The following NIPAL2 variants were observed in gnomAD, a reference collection of about 807,000 sequenced individuals.
NIPAL2 encodes NIPA like domain containing 2, also known as NIPA-like protein 2.
NIPAL2 carries 43 observed loss-of-function variants against 48.9 expected under a neutral mutation model. The ratio of observed to expected loss-of-function variants is 0.88; its 90% CI spans 0.69 to 1.13. The LOEUF is 1.13. Among genes scored for constraint, NIPAL2 ranks in the 50% most tolerant of loss-of-function variants. NIPAL2 has a pLI of 0.00. For missense variants in NIPAL2, 446 were observed against 461.4 expected, an observed-to-expected ratio of 0.97 and a Z score of 0.31; for synonymous variants, 167 against 174.6, an observed-to-expected ratio of 0.96 and a Z score of 0.34.
intron 8 of NIPAL2, among the ~76,000 whole-genome samples, chr8:98,202,409 A>G (rs1193353262): frequency 6.6e-6 from 1 of 152,184 alleles, no homozygotes; most frequent in East Asian, 1.9e-4. Flanking sequence ...CCTCCAAATC[A>G]TATGTTGAAA....
intron 3 of NIPAL2, among the ~76,000 whole-genome samples, chr8:98,239,477 A>G (rs1812878537): frequency 6.6e-6 from 1 of 152,228 alleles, no homozygotes; most frequent in African/African-American, 2.4e-5. Context: ...AAATAATTTC[A>G]TTGCTAAAAG....
At chr8:98,286,558 C>CA (rs1161033918) in intron 1 of NIPAL2, among the ~76,000 whole-genome samples, 1 of 152,104 alleles carries the variant, frequency 6.6e-6, no homozygotes, top group East Asian at 1.9e-4. Context: ...CCTGTAATCC[C>CA]AGCACTTTGG....
rs185153836 is a variant in NIPAL2 at position 98,210,267 on chromosome 8, G to A, written c.655+2138C>T. ...AAAGCAATCAATCTCTCTGAATACA[G>A]CATTAGTCATGAACTCTAGGTTTAA... On this transcript the variant is annotated intron_variant, in intron 6 of 10. Coordinates refer to ENST00000430223, the MANE Select transcript of NIPAL2 (RefSeq NM_001321635.2). 2.0e-3 allele frequency among the ~76,000 whole-genome samples: 311 copies of A among 152,110 alleles called. 4 individuals carry two copies. Among genetic ancestry groups the A allele is most frequent in the South Asian group, 0.018 (86 of 4,822 alleles).
At chr8:98,291,046 C>T (rs1427875199) in intron 1 of NIPAL2, among the ~76,000 whole-genome samples, 2 of 152,168 alleles carry the variant, frequency 1.3e-5, no homozygotes, top group Non-Finnish European at 2.9e-5. Context: ...AAACTGAATC[C>T]TGCTAGCCTT....
chr8:98,226,141 G>A (rs1563502713), intron 4 of NIPAL2, among the ~76,000 whole-genome samples: 1 of 151,852 alleles, frequency 6.6e-6, no homozygotes, highest in Non-Finnish European at 1.5e-5. Flanking sequence ...GCATTTATTT[G>A]AGTTTCCTCG....
At chr8:98,239,190 C>T (rs887049013) in intron 3 of NIPAL2, among the ~76,000 whole-genome samples, 8 of 152,168 alleles carry the variant, frequency 5.3e-5, no homozygotes, top group African/African-American at 1.7e-4. Context: ...TAGACATAAT[C>T]TACTCCAGGT....
intron 3 of NIPAL2, among the ~76,000 whole-genome samples, chr8:98,248,877 C>T (rs906575077): frequency 6.6e-6 from 1 of 152,170 alleles, no homozygotes; most frequent in Non-Finnish European, 1.5e-5. Context: ...AAGGTTCTGA[C>T]TCTCTCAAAA....
intron 1 of NIPAL2, among the ~76,000 whole-genome samples, chr8:98,288,687 T>A (rs1816330230): frequency 6.6e-6 from 1 of 151,788 alleles, no homozygotes; most frequent in Non-Finnish European, 1.5e-5. Flanking sequence ...TTTCTCCACA[T>A]CCTCTCCAGC....
intron 5 of NIPAL2, among the ~76,000 whole-genome samples, chr8:98,221,873 T>G (rs1046686668): frequency 6.6e-6 from 1 of 152,222 alleles, no homozygotes; most frequent in Non-Finnish European, 1.5e-5. Context: ...GAAGACAGTG[T>G]GGCGATTCCT....
At chr8:98,292,905 A>G (rs1351379275) in intron 1 of NIPAL2, among the ~76,000 whole-genome samples, 1 of 152,164 alleles carries the variant, frequency 6.6e-6, no homozygotes, top group African/African-American at 2.4e-5. Context: ...ACAAACATTG[A>G]TCAAGAGGCT....
At chr8:98,274,228 A>G (rs1586464181) in intron 1 of NIPAL2, among the ~76,000 whole-genome samples, 1 of 151,876 alleles carries the variant, frequency 6.6e-6, no homozygotes. Flanking sequence ...TTAACATTAT[A>G]TATATATTCT....
intron 6 of NIPAL2, among the ~76,000 whole-genome samples, chr8:98,210,649 T>C (rs1811264823): frequency 6.6e-6 from 1 of 152,190 alleles, no homozygotes; most frequent in Non-Finnish European, 1.5e-5. Context: ...TTTATATGGG[T>C]TTCTGTCTAA....
intron 1 of NIPAL2, among the ~76,000 whole-genome samples, chr8:98,260,571 G>A (rs1434223800): frequency 6.6e-6 from 1 of 151,764 alleles, no homozygotes; most frequent in South Asian, 2.1e-4. Flanking sequence ...CTTTTCCGAC[G>A]GGCTTAAAAA....
At chr8:98,228,277 G>T (rs148945853) in intron 4 of NIPAL2, among the ~76,000 whole-genome samples, 1 of 152,284 alleles carries the variant, frequency 6.6e-6, no homozygotes, top group East Asian at 1.9e-4. Flanking sequence ...CCTGCAGGGA[G>T]GACGATTGGT....
At chr8:98,220,030 A>G (rs894616534) in intron 5 of NIPAL2, among the ~76,000 whole-genome samples, 2 of 151,970 alleles carry the variant, frequency 1.3e-5, no homozygotes, top group African/African-American at 4.8e-5. Flanking sequence ...AGGGGTGTGT[A>G]GTGTATGAGA....
At chr8:98,227,139 C>T (rs1419431606) in intron 4 of NIPAL2, among the ~76,000 whole-genome samples, 1 of 152,094 alleles carries the variant, frequency 6.6e-6, no homozygotes, top group African/African-American at 2.4e-5. Context: ...TGCCACTACC[C>T]TTCAGGGAAG....
At chr8:98,285,389 A>C (rs981632260) in intron 1 of NIPAL2, among the ~76,000 whole-genome samples, 21 of 152,234 alleles carry the variant, frequency 1.4e-4, no homozygotes, top group Non-Finnish European at 5.9e-5. Flanking sequence ...TAAGCCTGGT[A>C]ACTCCAGCCT....
chr8:98,225,543 T>G (rs943967390), intron 4 of NIPAL2, among the ~76,000 whole-genome samples: 1 of 152,268 alleles, frequency 6.6e-6, no homozygotes, highest in African/African-American at 2.4e-5. Flanking sequence ...ACATGTAAGA[T>G]CCTCTGAAAA....
chr8:98,285,676 T>C lies in NIPAL2; in HGVS notation c.135+8327A>G, dbSNP rs79961754. On this transcript the variant is annotated intron_variant, in intron 1 of 10. Transcript: ENST00000430223. The stretch of plus-strand genomic sequence containing the variant: ...AGAGTTCTTCTGGCCTTTTACATCA[T>C]CCAAATGGATTACTTTCTTTTCTTA... Among the ~76,000 whole-genome samples the C allele has an allele frequency of 3.7e-3, 567 of 152,284 alleles. 1 individual carries two copies. Among genetic ancestry groups the C allele is most frequent in the African/African-American group, 0.013 (520 of 41,576 alleles).
Sources: allele counts gnomAD v4.1 joint callset (sites outside exome capture counted in the v4.1 genomes callset), GRCh38; gene constraint gnomAD v4.1.1; transcripts MANE v1.5; gene names NCBI Gene and HGNC (gene_info 2026-07-23, HGNC 2026-07-21).